Variants in SMYD3 observed in about 807,000 individuals in gnomAD.
The protein encoded by SMYD3 is histone-lysine N-methyltransferase SMYD3.
Under a neutral mutation model 57.7 loss-of-function variants are expected in SMYD3, and 36 were observed. The ratio of observed to expected loss-of-function variants is 0.62; its 90% CI spans 0.48 to 0.82. SMYD3 has a LOEUF of 0.82. Ranked by LOEUF, SMYD3 falls within the 40% of genes least tolerant of loss-of-function variation. The probability of loss-of-function intolerance (pLI) is 0.00; values close to 1 mark genes in which losing one functional copy is unlikely to be tolerated. For synonymous variants in SMYD3, 211 were observed against 195.0 expected (o/e 1.08, Z -0.68); for missense variants, 515 against 538.8 (o/e 0.96, Z 0.44).
chr1:246,461,981 G>A (rs776054040), intron 1 of SMYD3, among the ~76,000 whole-genome samples: 11 of 151,038 alleles, frequency 7.3e-5, no homozygotes, highest in Non-Finnish European at 1.3e-4. Flanking sequence ...AATTTAATTT[G>A]CAAAGTGCAA....
At chr1:245,836,428 TC>T (rs1252245609) in intron 10 of SMYD3, among the ~76,000 whole-genome samples, 1 of 152,196 alleles carries the variant, frequency 6.6e-6, no homozygotes, top group Admixed American at 6.5e-5. Flanking sequence ...TAGGGAGCCG[TC>T]TTCGTGCAAG....
At chr1:246,507,005 C>T in intron 1 of SMYD3, 49 bp downstream of exon 1, 1 of 1,157,934 alleles carries the variant, frequency 8.6e-7, no homozygotes, top group East Asian at 3.7e-5. Flanking sequence ...CCCTCCCCAG[C>T]ACCCCACACA....
intron 10 of SMYD3, 89 bp downstream of exon 10, chr1:245,858,407 G>C: frequency 7.6e-7 from 1 of 1,318,650 alleles, no homozygotes; most frequent in East Asian, 2.5e-5. Flanking sequence ...TCCATGCAAA[G>C]TAGTAATCAG....
At chr1:246,395,576 G>A (rs890980650) in intron 1 of SMYD3, among the ~76,000 whole-genome samples, 2 of 141,932 alleles carry the variant, frequency 1.4e-5, no homozygotes, top group Non-Finnish European at 3.1e-5. Flanking sequence ...ACTACTGCGA[G>A]TGGACCCCCA....
intron 10 of SMYD3, among the ~76,000 whole-genome samples, chr1:245,856,735 G>A (rs527498880): frequency 6.6e-6 from 1 of 152,208 alleles, no homozygotes; most frequent in East Asian, 1.9e-4. Context: ...AGAGTGGCCC[G>A]AGCAGGGCAG....
intron 5 of SMYD3, among the ~76,000 whole-genome samples, chr1:246,235,037 G>A (rs1018521295): frequency 6.6e-6 from 1 of 152,136 alleles, no homozygotes; most frequent in Non-Finnish European, 1.5e-5. Context: ...ATGGAATCAC[G>A]TTTTACTTTG....
At chr1:246,184,920 G>A (rs1045503423) in intron 5 of SMYD3, among the ~76,000 whole-genome samples, 6 of 152,160 alleles carry the variant, frequency 3.9e-5, no homozygotes, top group African/African-American at 1.4e-4. Flanking sequence ...CCCTGAGGTG[G>A]CTCAGACATA....
At chr1:245,863,156 C>T (rs9726284) in intron 9 of SMYD3, among the ~76,000 whole-genome samples, 84,044 of 151,572 alleles carry the variant, frequency 0.55, 26,440 homozygotes, top group Non-Finnish European at 0.73. Context: ...ATCACAGCTT[C>T]ACTCCAATGA....
At chr1:246,378,089 T>G (rs2066309684) in intron 1 of SMYD3, among the ~76,000 whole-genome samples, 1 of 152,366 alleles carries the variant, frequency 6.6e-6, no homozygotes, top group South Asian at 2.1e-4. Flanking sequence ...TTGCATATTT[T>G]CTACTGAGTT....
At chr1:246,186,899 G>C in intron 5 of SMYD3, 7 of 985,442 alleles carry the variant, frequency 7.1e-6, no homozygotes, top group Non-Finnish European at 8.4e-6. Context: ...AAGCCCCTTA[G>C]AGTCATTATG....
At chr1:245,889,807 C>T (rs1400515636) in intron 8 of SMYD3, among the ~76,000 whole-genome samples, 1 of 152,142 alleles carries the variant, frequency 6.6e-6, no homozygotes, top group African/African-American at 2.4e-5. Context: ...AAGAACAAAA[C>T]TGAAGGAATC....
intron 5 of SMYD3, among the ~76,000 whole-genome samples, chr1:246,015,193 TC>T (rs1257262449): frequency 3.3e-5 from 5 of 152,186 alleles, no homozygotes; most frequent in African/African-American, 1.2e-4. Flanking sequence ...ACTGTGACTC[TC>T]CCTCATGCAC....
chr1:246,477,893 C>A (rs1429822656), intron 1 of SMYD3, among the ~76,000 whole-genome samples: 1 of 152,202 alleles, frequency 6.6e-6, no homozygotes, highest in Non-Finnish European at 1.5e-5. Context: ...ACAAAAGCCA[C>A]CTGCGTCTAC....
chr1:245,953,233 T>TTTC (rs759756635), intron 5 of SMYD3: 1 of 999,564 alleles, frequency 1.0e-6, no homozygotes, highest in Non-Finnish European at 1.2e-6. Context: ...AAGATTACCT[T>TTTC]TTCTTCTTCT....
rs949312061 is a variant in SMYD3 at position 245,753,075 on chromosome 1, G to A, written c.1186-3411C>T. 1.5e-4 allele frequency among the ~76,000 whole-genome samples: 23 copies of A among 152,170 alleles called. 1 individual carries two copies. Among genetic ancestry groups the A allele is most frequent in the Non-Finnish European group, 5.9e-5 (4 of 68,038 alleles). On this transcript the variant is annotated intron_variant, in intron 11 of 11. Transcript: ENST00000490107. The stretch of plus-strand genomic sequence containing the variant: ...GTCAAGATGCTGCTGGTCATGTTCT[G>A]TGTTCTCTTACTTGATGCTGAATGC...
intron 7 of SMYD3, among the ~76,000 whole-genome samples, chr1:245,927,126 C>T (rs1263129925): frequency 1.3e-5 from 2 of 152,220 alleles, no homozygotes; most frequent in African/African-American, 4.8e-5. Context: ...AATAAATATC[C>T]ACTTTAGCAA....
intron 1 of SMYD3, among the ~76,000 whole-genome samples, chr1:246,501,453 C>T (rs2068454023): frequency 6.6e-6 from 1 of 152,190 alleles, no homozygotes; most frequent in Non-Finnish European, 1.5e-5. Context: ...TGCCACACCC[C>T]GTACCTGTTG....
intron 10 of SMYD3, among the ~76,000 whole-genome samples, chr1:245,777,593 C>G (rs1405428283): frequency 6.6e-6 from 1 of 152,072 alleles, no homozygotes; most frequent in Non-Finnish European, 1.5e-5. Flanking sequence ...AGAACCTCAT[C>G]AAAAGTAAAA....
rs528178835 is a variant in SMYD3 at position 245,817,070 on chromosome 1, C to CT, written c.1076+41425dup. Among the ~76,000 whole-genome samples the CT allele has an allele frequency of 3.7e-3, 561 of 151,614 alleles. 2 individuals are homozygous for CT. Among genetic ancestry groups the CT allele is most frequent in the Non-Finnish European group, 6.2e-3 (423 of 67,854 alleles). Reference sequence around the variant, plus strand: ...ACAGCTCAAGGAGGCCTGCCTGCCTCTGTAGGCTCCACCTCTGGGGGCAGG... The same window carrying CT: ...ACAGCTCAAGGAGGCCTGCCTGCCTCTTGTAGGCTCCACCTCTGGGGGCAGG... On this transcript the variant is annotated intron_variant, in intron 10 of 11. Transcript: ENST00000490107.
Sources: allele counts gnomAD v4.1 joint callset (sites outside exome capture counted in the v4.1 genomes callset), GRCh38; gene constraint gnomAD v4.1.1; transcripts MANE v1.5; gene names NCBI Gene and HGNC (gene_info 2026-07-23, HGNC 2026-07-21).